PCLO: variants seen among roughly 807,000 people sequenced by gnomAD.
PCLO encodes the protein piccolo presynaptic cytomatrix protein.
A neutral mutation model predicts 427.5 loss-of-function variants in PCLO; 82 were observed. The ratio of observed to expected loss-of-function variants is 0.19; its 90% CI spans 0.16 to 0.23. The LOEUF (loss-of-function observed/expected upper bound fraction) is 0.23, where lower values mean the gene tolerates loss of function less well. PCLO is among the 10% of genes least tolerant of loss of function. The pLI, the probability that PCLO is intolerant of heterozygous loss-of-function variation, is 1.00. For missense variants in PCLO, 6,239 were observed against 6,115.9 expected (o/e 1.02, Z -0.67); for synonymous variants, 2,357 against 2,155.4 (o/e 1.09, Z -2.59).
intron 10 of PCLO, among the ~76,000 whole-genome samples, chr7:82,855,024 A>G (rs1486558134): frequency 6.6e-6 from 1 of 152,166 alleles, no homozygotes; most frequent in Non-Finnish European, 1.5e-5. Context: ...GTCTGAGTAC[A>G]TTGAAAGTAT....
intron 3 of PCLO, among the ~76,000 whole-genome samples, chr7:83,085,165 TA>T (rs1790199469): frequency 6.6e-6 from 1 of 152,112 alleles, no homozygotes; most frequent in African/African-American, 2.4e-5. Context: ...AGTTCTACAT[TA>T]GTCTCTTTAT....
chr7:82,960,633 G>T (rs978494133), intron 4 of PCLO, among the ~76,000 whole-genome samples: 1 of 152,110 alleles, frequency 6.6e-6, no homozygotes, highest in African/African-American at 2.4e-5. Flanking sequence ...TTAAAAATGT[G>T]TATGTAATTT....
intron 3 of PCLO, among the ~76,000 whole-genome samples, chr7:83,059,781 T>C (rs1161579919): frequency 6.6e-6 from 1 of 151,972 alleles, no homozygotes; most frequent in Non-Finnish European, 1.5e-5. Flanking sequence ...GCAACCAAGG[T>C]TTCCCAATTA....
At chr7:82,912,335 G>A (rs1006866985) in intron 7 of PCLO, among the ~76,000 whole-genome samples, 1 of 151,484 alleles carries the variant, frequency 6.6e-6, no homozygotes, top group African/African-American at 2.4e-5. Context: ...GATTTCAAAC[G>A]AAAAGTACAC....
At chr7:83,083,913 G>A (rs1359373054) in intron 3 of PCLO, among the ~76,000 whole-genome samples, 1 of 152,114 alleles carries the variant, frequency 6.6e-6, no homozygotes, top group African/African-American at 2.4e-5. Flanking sequence ...AGAACAGAGT[G>A]AATATAATTT....
chr7:83,141,740 C>A (rs1032516913), intron 2 of PCLO, among the ~76,000 whole-genome samples: 1 of 152,148 alleles, frequency 6.6e-6, no homozygotes, highest in South Asian at 2.1e-4. Flanking sequence ...TAATCATAAG[C>A]ACCCTATTTA....
chr7:83,104,649 T>C (rs1316525046), intron 3 of PCLO, among the ~76,000 whole-genome samples: 2 of 152,092 alleles, frequency 1.3e-5, no homozygotes, highest in African/African-American at 4.8e-5. Flanking sequence ...AATATATCTA[T>C]ATTTTTTCTG....
At chr7:82,874,074 C>T (rs1793306898) in intron 10 of PCLO, among the ~76,000 whole-genome samples, 2 of 152,044 alleles carry the variant, frequency 1.3e-5, no homozygotes, top group South Asian at 2.1e-4. Flanking sequence ...TGATTAATTA[C>T]AAATAGTAGT....
chr7:83,057,081 C>CAT lies in PCLO; in HGVS notation c.3300+77167_3300+77168dup, dbSNP rs34120621. 4.0e-3 allele frequency among the ~76,000 whole-genome samples: 602 copies of CAT among 149,278 alleles called. 2 individuals carry two copies. Among genetic ancestry groups the CAT allele is most frequent in the African/African-American group, 0.014 (554 of 40,854 alleles). ...ACTTTAAAAATGCTTTTTCTTTAAC[C>CAT]ATATATATATATATTTTTTTGAGAT... On this transcript the variant is annotated intron_variant, in intron 3 of 24. Coordinates refer to ENST00000333891, the MANE Select transcript of PCLO (RefSeq NM_033026.6).
rs1364049625 is a variant in PCLO, at chr7:82,974,042, TAACAC to T, written c.3301-7560_3301-7556del. 2.0e-5 allele frequency among the ~76,000 whole-genome samples: 3 copies of T among 152,192 alleles called. No individual in the cohort carries two copies. The East Asian group carries it at 5.8e-4, about 29-fold the overall frequency. The stretch of plus-strand genomic sequence containing the variant: ...TTTAAATATCTGTGAATTATTACAT[TAACAC>T]AATTTTAACAGATCTGAAGAAAATC... On this transcript the variant is annotated intron_variant, in intron 3 of 24. Transcript: ENST00000333891.
chr7:82,785,636 AG>A (rs1385992477), intron 22 of PCLO, among the ~76,000 whole-genome samples: 2 of 152,158 alleles, frequency 1.3e-5, no homozygotes, highest in African/African-American at 4.8e-5. Flanking sequence ...GACAGGAGCA[AG>A]AGAAAACTTC....
chr7:83,085,401 T>C (rs184297981), intron 3 of PCLO, among the ~76,000 whole-genome samples: 23 of 152,248 alleles, frequency 1.5e-4, no homozygotes, highest in South Asian at 8.3e-4. Flanking sequence ...CTGAGGCACA[T>C]TGGAGGAGGT....
At chr7:82,817,333 A>T (rs1791698106) in intron 20 of PCLO, among the ~76,000 whole-genome samples, 1 of 152,154 alleles carries the variant, frequency 6.6e-6, no homozygotes, top group Admixed American at 6.6e-5. Flanking sequence ...AGAAGACTTC[A>T]CCTCCAAATG....
Position 82,949,784 on chromosome 7 carries a change from A to C in PCLO, c.10804T>G (p.Ser3602Ala), listed in dbSNP as rs200143963. 1 of 1,613,770 alleles carries C rather than the reference A, an allele frequency of 6.2e-7. No individual in the cohort carries two copies. The highest frequency in any genetic ancestry group is 1.3e-5 in the African/African-American group (1 of 74,962). The change falls in exon 6 of 25, where the codon TCT becomes GCT. Residue 3602 changes from serine (S) to alanine (A), a missense_variant. Ser to Ala is a moderately conservative substitution (Grantham distance 99). This residue lies in a region of PCLO where 4,677 missense variants were observed against 4,468.4 expected (regional missense o/e 1.05). Transcript: ENST00000333891. ...RPTPLEIGYS[S>A]HLRADSTVQL... The stretch of plus-strand genomic sequence containing the variant: ...ACTGTGGAATCTGCCCGGAGGTGAG[A>C]TGAATAACCAATCTCTAAAGGTGTT...
chr7:83,065,391 C>T (rs1277821427), intron 3 of PCLO, among the ~76,000 whole-genome samples: 1 of 150,792 alleles, frequency 6.6e-6, no homozygotes, highest in Non-Finnish European at 1.5e-5. Flanking sequence ...TCTCGAAGTT[C>T]CCAATATTCT....
intron 3 of PCLO, among the ~76,000 whole-genome samples, chr7:83,100,291 C>A (rs1790705147): frequency 6.6e-6 from 1 of 152,154 alleles, no homozygotes; most frequent in African/African-American, 2.4e-5. Context: ...ACCATTCAAT[C>A]TAGCAATGTC....
At chr7:82,824,196 T>C (rs748711285) in intron 19 of PCLO, 40 bp downstream of exon 19, 66 of 1,413,532 alleles carry the variant, frequency 4.7e-5, no homozygotes, top group Middle Eastern at 2.2e-4. Flanking sequence ...ACTGAACAAA[T>C]AGACACAAAA....
intron 3 of PCLO, among the ~76,000 whole-genome samples, chr7:83,119,366 ACT>A (rs1791216789): frequency 1.3e-5 from 2 of 151,978 alleles, no homozygotes; most frequent in Admixed American, 6.6e-5. Flanking sequence ...AGAACAAGAG[ACT>A]CTGACTGGTA....
intron 20 of PCLO, chr7:82,821,774 C>A (rs1791797892): frequency 1.0e-6 from 1 of 981,960 alleles, no homozygotes; most frequent in Admixed American, 6.2e-5. Context: ...ACAGAATGGA[C>A]CCAATTGTGC....
Sources: gnomAD v4.1 joint callset for allele counts (sites outside exome capture counted in the v4.1 genomes callset) on GRCh38, gnomAD v4.1.1 for gene constraint, gnomAD v4.1.1 regional missense constraint, MANE v1.5 for transcripts, NCBI Gene and HGNC (gene_info 2026-07-23, HGNC 2026-07-21) for gene names.